Variants in ZFAT observed in about 807,000 individuals in gnomAD.
ZFAT encodes zinc finger protein ZFAT.
Under a neutral mutation model 117.7 loss-of-function variants are expected in ZFAT, and 64 were observed. The ratio of observed to expected loss-of-function variants is 0.54; its 90% CI spans 0.44 to 0.67. ZFAT has a LOEUF of 0.67. Ranked by LOEUF, ZFAT falls within the 30% of genes least tolerant of loss-of-function variation. ZFAT has a pLI of 0.00. For synonymous variants in ZFAT, 679 were observed against 615.0 expected, an observed-to-expected ratio of 1.10 and a Z score of -1.54; for missense variants, 1,433 against 1,584.5, an observed-to-expected ratio of 0.90 and a Z score of 1.62.
intron 12 of ZFAT, among the ~76,000 whole-genome samples, chr8:134,522,447 G>A (rs763070344): frequency 1.2e-4 from 18 of 152,144 alleles, no homozygotes; most frequent in Admixed American, 2.6e-4. Context: ...GACGACTATC[G>A]GCCCTCGGGC....
chr8:134,652,331 T>C (rs1362135160), intron 2 of ZFAT, among the ~76,000 whole-genome samples: 9 of 152,146 alleles, frequency 5.9e-5, no homozygotes, highest in Non-Finnish European at 4.4e-5. Flanking sequence ...GGAGAGTTCA[T>C]GATGAGCAGC....
At chr8:134,523,443 T>C (rs952142248) in intron 12 of ZFAT, among the ~76,000 whole-genome samples, 5 of 152,238 alleles carry the variant, frequency 3.3e-5, no homozygotes, top group Non-Finnish European at 7.3e-5. Flanking sequence ...CCACGCCTCC[T>C]GGCCAGGCCA....
chr8:134,675,872 C>A (rs1355739921), intron 1 of ZFAT, among the ~76,000 whole-genome samples: 1 of 152,062 alleles, frequency 6.6e-6, no homozygotes, highest in Non-Finnish European at 1.5e-5. Flanking sequence ...GAAATAAAAT[C>A]CTTTACAGAC....
At chr8:134,806,799 A>G in the ZFAT span, among the ~76,000 whole-genome samples, 2 of 152,230 alleles carry the variant, frequency 1.3e-5, no homozygotes, top group Non-Finnish European at 2.9e-5. Context: ...ACAGAAGTTG[A>G]ATATTAAGTA....
chr8:134,491,375 G>A (rs375075063), intron 15 of ZFAT, among the ~76,000 whole-genome samples: 9 of 152,244 alleles, frequency 5.9e-5, no homozygotes, highest in African/African-American at 2.2e-4. Context: ...ACGCTTAGGA[G>A]AAGGCACCTG....
intron 2 of ZFAT, among the ~76,000 whole-genome samples, chr8:134,640,875 T>A (rs183588869): frequency 2.6e-4 from 39 of 152,346 alleles, no homozygotes; most frequent in African/African-American, 9.4e-4. Context: ...ATCTTGGGAC[T>A]GGGCAAGGAA....
intron 11 of ZFAT, among the ~76,000 whole-genome samples, chr8:134,547,910 A>T (rs979079872): frequency 3.3e-5 from 5 of 152,138 alleles, no homozygotes; most frequent in Non-Finnish European, 7.4e-5. Context: ...GCACTTACAC[A>T]TGTTTTATCT....
At chr8:134,551,366 T>C (rs893187214) in intron 11 of ZFAT, among the ~76,000 whole-genome samples, 1 of 152,164 alleles carries the variant, frequency 6.6e-6, no homozygotes, top group African/African-American at 2.4e-5. Context: ...AATAAGGTAA[T>C]ACACAGAAAA....
chr8:134,637,264 A>T (rs1167086543), intron 3 of ZFAT, among the ~76,000 whole-genome samples, 197 bp downstream of exon 3: 2 of 152,246 alleles, frequency 1.3e-5, no homozygotes, highest in Non-Finnish European at 2.9e-5. Context: ...ATGGGCATCA[A>T]CTCCCAGATG....
At chr8:134,784,846 T>C in the ZFAT span, 1 of 152,194 alleles carries the variant, frequency 6.6e-6, no homozygotes, top group African/African-American at 2.4e-5. Context: ...CTGTAGTTTT[T>C]TTTCCCTCTC....
In ZFAT at chr8:134,478,767, G is replaced by A. The variant is rs73354400; in HGVS notation, c.3493-46C>T. On this transcript the variant is annotated intron_variant, in intron 15 of 15. Coordinates refer to ENST00000377838, the MANE Select transcript of ZFAT (RefSeq NM_020863.4). The surrounding 1 kb of genome is among the most constrained non-coding windows in gnomAD (Gnocchi z 5.2). ...AAAGGTCACCCAGCGCCTACTTCCC[G>A]GTCCAGCGTAACAACAAAGTCACAA... is the stretch of plus-strand genomic sequence containing the variant. 2.7e-3 allele frequency: 4,125 copies of A among 1,526,258 alleles called. 91 individuals are homozygous for A. The African/African-American group carries it at 0.047, about 17-fold the overall frequency. The allele number at this position is 1,526,258 out of a possible 1,614,324, so 94.5% of individuals were successfully genotyped here. A position where few individuals can be genotyped will look rare whatever the true frequency, so the allele number is the denominator to read the frequency against.
At chr8:134,626,943 C>T (rs1045254575) in intron 3 of ZFAT, among the ~76,000 whole-genome samples, 5 of 152,224 alleles carry the variant, frequency 3.3e-5, no homozygotes, top group Non-Finnish European at 5.9e-5. Flanking sequence ...ATTGTGCATG[C>T]CATAAAGAAT....
At chr8:134,682,280 T>C (rs1240647220) in intron 1 of ZFAT, among the ~76,000 whole-genome samples, 2 of 152,164 alleles carry the variant, frequency 1.3e-5, no homozygotes, top group East Asian at 1.9e-4. Flanking sequence ...CTAAAAAAGA[T>C]AAAAACGCTG....
intron 1 of ZFAT, among the ~76,000 whole-genome samples, chr8:134,693,735 T>C (rs755874683): frequency 6.6e-6 from 1 of 152,108 alleles, no homozygotes; most frequent in East Asian, 1.9e-4. Flanking sequence ...GAATCATCAA[T>C]GGGTGCTGAA....
the ZFAT span, among the ~76,000 whole-genome samples, chr8:134,751,406 A>C: frequency 1.3e-5 from 2 of 152,180 alleles, no homozygotes; most frequent in Admixed American, 1.3e-4. Flanking sequence ...ACCAGTCGGG[A>C]TACGTGGGTT....
At chr8:134,699,805 T>C (rs1380065363) in intron 1 of ZFAT, among the ~76,000 whole-genome samples, 4 of 152,222 alleles carry the variant, frequency 2.6e-5, no homozygotes, top group East Asian at 1.9e-4. Context: ...GTGGAAGCTA[T>C]GATTGCAGAT....
At chr8:134,594,810 C>A (rs1310281471) in intron 7 of ZFAT, 1 of 152,200 alleles carries the variant, frequency 6.6e-6, no homozygotes, top group Non-Finnish European at 1.5e-5. Context: ...AACTTACCAA[C>A]TCCCAAGCTC....
the ZFAT span, among the ~76,000 whole-genome samples, chr8:134,735,965 T>C: frequency 6.6e-6 from 1 of 152,144 alleles, no homozygotes; most frequent in Non-Finnish European, 1.5e-5. Flanking sequence ...TTTAGAATCA[T>C]TTCAAGTGGC....
At chr8:134,731,624 C>G in the ZFAT span, among the ~76,000 whole-genome samples, 21 of 152,294 alleles carry the variant, frequency 1.4e-4, 1 homozygote, top group East Asian at 2.5e-3. Flanking sequence ...TTTGAAAATT[C>G]ATTAAGGTGC....
Sources: gnomAD v4.1 joint callset for allele counts (sites outside exome capture counted in the v4.1 genomes callset) on GRCh38, gnomAD v4.1.1 for gene constraint, Gnocchi (gnomAD v3.1) non-coding constraint, MANE v1.5 for transcripts, NCBI Gene and HGNC (gene_info 2026-07-23, HGNC 2026-07-21) for gene names.